The following CYP27A1 variants were observed in gnomAD, a reference collection of about 807,000 sequenced individuals.
CYP27A1 encodes sterol 26-hydroxylase, mitochondrial.
Under a neutral mutation model 58.2 loss-of-function variants are expected in CYP27A1, and 46 were observed. The ratio of observed to expected loss-of-function variants is 0.79; its 90% CI spans 0.62 to 1.01. The LOEUF (loss-of-function observed/expected upper bound fraction) is 1.01, where lower values mean the gene tolerates loss of function less well. CYP27A1 is among the 50% of genes least tolerant of loss of function. The probability of loss-of-function intolerance (pLI) is 0.00; values close to 1 mark genes in which losing one functional copy is unlikely to be tolerated. For synonymous variants in CYP27A1, 274 were observed against 285.1 expected (o/e 0.96, Z 0.39); for missense variants, 704 against 687.0 (o/e 1.02, Z -0.28).
intron 1 of CYP27A1, among the ~76,000 whole-genome samples, chr2:218,797,957 A>C (rs1396596141): frequency 6.6e-6 from 1 of 152,234 alleles, no homozygotes; most frequent in Non-Finnish European, 1.5e-5. Context: ...TATCTAATTT[A>C]AAACAATCTT....
chr2:218,793,805 C>T (rs571431526), intron 1 of CYP27A1, among the ~76,000 whole-genome samples: 114 of 152,080 alleles, frequency 7.5e-4, no homozygotes, highest in African/African-American at 2.4e-3. Context: ...ACCTCCGCCC[C>T]CAGGTTCAAG....
rs1943774760 is a variant in CYP27A1, at chr2:218,815,009, G to A, written c.1575G>A (p.Gln525=). The stretch of plus-strand genomic sequence containing the variant: ...TTCCCAATAAGAAAGTGGGCCTGCA[G>A]TTCCTGCAGAGACAGTGCTGAGCTG... The part of the protein sequence containing the change: ...VLVPNKKVGL[Q]FLQRQC Residue 525 remains glutamine, a synonymous_variant, in exon 9 of 9, where the codon CAG becomes CAA. Coordinates refer to ENST00000258415, the MANE Select transcript of CYP27A1 (RefSeq NM_000784.4). 1.9e-6 allele frequency: 3 copies of A among 1,614,242 alleles called. No homozygotes were observed. Among genetic ancestry groups the A allele is most frequent in the South Asian group, 1.1e-5 (1 of 91,086 alleles).
Position 218,782,419 on chromosome 2 carries a change from GCAA to G in CYP27A1, c.239_241del (p.Gln80del). 1 of 1,614,232 alleles carries G rather than the reference GCAA, an allele frequency of 6.2e-7. No individual in the cohort carries two copies. Among genetic ancestry groups the G allele is most frequent in the East Asian group, 2.2e-5 (1 of 44,886 alleles). On this transcript the variant is annotated inframe_deletion, in exon 1 of 9. Transcript: ENST00000258415. This position sits in a 1 kb window ranked among gnomAD's most constrained non-coding sequence, Gnocchi z 4.1. ...AGCTGTTCGTTCAAGGCTATGCCCT[GCAA>G]CTGCACCAGTTACAGGTAACCCGCG...
intron 1 of CYP27A1, among the ~76,000 whole-genome samples, chr2:218,806,580 C>T (rs573517960): frequency 2.2e-4 from 34 of 152,360 alleles, no homozygotes; most frequent in African/African-American, 7.9e-4. Context: ...TAAAATAGTA[C>T]ACGCTTTTCA....
intron 1 of CYP27A1, 121 bp from the exon 2 acceptor site, chr2:218,809,442 CTTTTTTTTTTTTTT>C (rs57956133): frequency 2.7e-6 from 1 of 365,316 alleles, no homozygotes; most frequent in South Asian, 2.1e-5. Flanking sequence ...ACACAATGCC[CTTTTTTTTTTTTTT>C]TTTTTTTTGC....
At chr2:218,794,614 G>A (rs1470266033) in intron 1 of CYP27A1, among the ~76,000 whole-genome samples, 4 of 152,140 alleles carry the variant, frequency 2.6e-5, no homozygotes, top group African/African-American at 9.7e-5. Flanking sequence ...CGGCGTGTTG[G>A]GCTTCTGGGT....
chr2:218,814,991 T>A lies in CYP27A1; in HGVS notation c.1557T>A (p.Asn519Lys). The change falls in exon 9 of 9, where the codon AAT (asparagine) becomes AAA (lysine). Residue 519 changes from asparagine to lysine, a missense_variant. Coordinates refer to ENST00000258415, the MANE Select transcript of CYP27A1 (RefSeq NM_000784.4). ...KSVARIVLVP[N>K]KKVGLQFLQR... ...TGGCCCGCATTGTCCTGGTTCCCAA[T>A]AAGAAAGTGGGCCTGCAGTTCCTGC... is the stretch of plus-strand genomic sequence containing the variant. 1 of 1,614,180 alleles carries A rather than the reference T, an allele frequency of 6.2e-7. No homozygotes were observed. Among genetic ancestry groups the A allele is most frequent in the Non-Finnish European group, 8.5e-7 (1 of 1,180,020 alleles).
chr2:218,801,767 C>T (rs781768315), intron 1 of CYP27A1, among the ~76,000 whole-genome samples: 39 of 151,866 alleles, frequency 2.6e-4, no homozygotes, highest in African/African-American at 4.8e-4. Flanking sequence ...ATTTTTCTAA[C>T]GAGTTTTTGA....
chr2:218,796,615 A>C (rs1317907482), intron 1 of CYP27A1, among the ~76,000 whole-genome samples: 2 of 152,104 alleles, frequency 1.3e-5, no homozygotes, highest in African/African-American at 4.8e-5. Context: ...AACAAACAAA[A>C]AAACACAACT....
chr2:218,794,626 C>G (rs746962085), intron 1 of CYP27A1, among the ~76,000 whole-genome samples: 2 of 152,132 alleles, frequency 1.3e-5, no homozygotes, highest in Non-Finnish European at 2.9e-5. Context: ...CTTCTGGGTT[C>G]CCTTCCCTTG....
chr2:218,797,311 G>A (rs1354349202), intron 1 of CYP27A1, among the ~76,000 whole-genome samples: 1 of 152,130 alleles, frequency 6.6e-6, no homozygotes, highest in African/African-American at 2.4e-5. Context: ...ATGTTGGCCA[G>A]GCAGGTTTTG....
At chr2:218,806,599 C>A (rs112259839) in intron 1 of CYP27A1, among the ~76,000 whole-genome samples, 3 of 152,344 alleles carry the variant, frequency 2.0e-5, no homozygotes, top group South Asian at 4.1e-4. Flanking sequence ...CAAGGGCCTA[C>A]GTTTGTTTCC....
At position 218,809,750 on chromosome 2, in the gene CYP27A1, C is replaced by A; in HGVS notation, c.429C>A (p.Thr143=). ...AGCACCGGGACCAGCACGACCTGAC[C>A]TATGGGCCGTTCACCACGTGAGCTG... The part of the protein sequence containing the change: ...WKEHRDQHDL[T]YGPFTTEGHH... The change falls in exon 2 of 9, where the codon ACC becomes ACA. Residue 143 remains threonine, a synonymous_variant. Coordinates refer to ENST00000258415, the MANE Select transcript of CYP27A1 (RefSeq NM_000784.4). The A allele has an allele frequency of 6.2e-7, 1 of 1,613,432 alleles. No homozygotes were observed. The highest frequency in any genetic ancestry group is 8.5e-7 in the Non-Finnish European group (1 of 1,179,468).
chr2:218,797,597 G>C (rs1273586030), intron 1 of CYP27A1, among the ~76,000 whole-genome samples: 1 of 152,182 alleles, frequency 6.6e-6, no homozygotes, highest in Non-Finnish European at 1.5e-5. Flanking sequence ...CCATGCATCA[G>C]GAAAGACAAT....
Position 218,782,285 on chromosome 2 carries a change from C to T in CYP27A1, c.103C>T (p.Leu35Phe). Residue 35 changes from leucine (L) to phenylalanine (F), a missense_variant, in exon 1 of 9, where the codon CTC (leucine) becomes TTC (phenylalanine). Transcript: ENST00000258415. This position sits in a 1 kb window ranked among gnomAD's most constrained non-coding sequence, Gnocchi z 4.1. ...AGCCAAGGCCGCGATCCCTGCCGCC[C>T]TCCCCTCGGACAAGGCCACCGGAGC... is the stretch of plus-strand genomic sequence containing the variant. Reference protein sequence around the residue: ...ARAKAAIPAALPSDKATGAPG... With the variant: ...ARAKAAIPAAFPSDKATGAPG... 14 of 1,592,410 alleles carry T rather than the reference C, an allele frequency of 8.8e-6. No individual in the cohort carries two copies. Among genetic ancestry groups the T allele is most frequent in the Non-Finnish European group, 1.1e-5 (13 of 1,169,368 alleles).
chr2:218,785,052 T>G (rs1943428697), intron 1 of CYP27A1, among the ~76,000 whole-genome samples: 1 of 152,226 alleles, frequency 6.6e-6, no homozygotes, highest in South Asian at 2.1e-4. Flanking sequence ...AATGAAATAA[T>G]TATGCAACTC....
At position 218,809,647 on chromosome 2, in the gene CYP27A1, C is replaced by T; in HGVS notation, c.326C>T (p.Ala109Val). ...YLGPQMHVNL[A>V]SAPLLEQVMR... is the part of the protein sequence containing the mutation. ...GGGCCTCAGATGCACGTGAACCTGG[C>T]CAGTGCCCCGCTCTTGGAGCAAGTG... Residue 109 changes from alanine (A) to valine (V), a missense_variant, in exon 2 of 9, where the codon GCC (alanine) becomes GTC (valine). Transcript: ENST00000258415. 1 of 1,614,100 alleles carries T rather than the reference C, an allele frequency of 6.2e-7. No homozygotes were observed. The highest frequency in any genetic ancestry group is 2.2e-5 in the East Asian group (1 of 44,876).
At position 218,785,546 on chromosome 2, in the gene CYP27A1, A is replaced by G. The variant is rs544898517; in HGVS notation, c.255+3109A>G. 3.3e-5 allele frequency among the ~76,000 whole-genome samples: 5 copies of G among 152,214 alleles called. No individual in the cohort carries two copies. In the South Asian group the frequency reaches 1.0e-3, roughly 32 times the overall value. ...CTCAGGGGCAGATTTGCTTAGGATGATGTCTAGAGCAGTAACTAACCAAAG... is the reference window on the plus strand; with the variant it reads ...CTCAGGGGCAGATTTGCTTAGGATGGTGTCTAGAGCAGTAACTAACCAAAG... On this transcript the variant is annotated intron_variant, in intron 1 of 8. Transcript: ENST00000258415.
intron 8 of CYP27A1, 56 bp downstream of exon 8, chr2:218,814,813 G>A: frequency 6.2e-7 from 1 of 1,613,640 alleles, no homozygotes; most frequent in East Asian, 2.2e-5. Flanking sequence ...AGGAGTCCTG[G>A]GAGGAGAGGA....
Sources: allele counts gnomAD v4.1 joint callset (sites outside exome capture counted in the v4.1 genomes callset), GRCh38; gene constraint gnomAD v4.1.1; non-coding constraint Gnocchi (gnomAD v3.1); transcripts MANE v1.5; gene names NCBI Gene and HGNC (gene_info 2026-07-23, HGNC 2026-07-21).